Variants in TBC1D22A observed in about 807,000 individuals in gnomAD.
TBC1D22A encodes the protein TBC1 domain family member 22A.
A neutral mutation model predicts 60.2 loss-of-function variants in TBC1D22A; 38 were observed. The observed-to-expected ratio is 0.63, with a 90% confidence interval of 0.49 to 0.83. TBC1D22A has a LOEUF of 0.83. Among genes scored for constraint, TBC1D22A ranks in the 40% least tolerant of loss-of-function variants. TBC1D22A has a pLI of 0.00. For missense variants in TBC1D22A, 628 were observed against 701.0 expected, an observed-to-expected ratio of 0.90 and a Z score of 1.18; for synonymous variants, 302 against 281.7, an observed-to-expected ratio of 1.07 and a Z score of -0.72.
At chr22:47,043,910 C>A (rs1228232888) in intron 11 of TBC1D22A, among the ~76,000 whole-genome samples, 2 of 36,158 alleles carry the variant, frequency 5.5e-5, no homozygotes, top group African/African-American at 3.5e-4. Context: ...GCTCTGTGTG[C>A]CTTGCTCAGA....
intron 10 of TBC1D22A, among the ~76,000 whole-genome samples, chr22:47,005,424 C>T (rs2061554488): frequency 6.6e-6 from 1 of 151,556 alleles, no homozygotes; most frequent in African/African-American, 2.4e-5. Flanking sequence ...ACACATACCC[C>T]TATAACACAC....
intron 12 of TBC1D22A, among the ~76,000 whole-genome samples, chr22:47,153,513 G>C (rs1456284758): frequency 6.6e-6 from 1 of 151,998 alleles, no homozygotes; most frequent in Non-Finnish European, 1.5e-5. Flanking sequence ...AAGGGGGCCC[G>C]GTCTGCCTGG....
chr22:46,898,181 G>C (rs996937619), intron 7 of TBC1D22A, among the ~76,000 whole-genome samples: 1 of 152,108 alleles, frequency 6.6e-6, no homozygotes, highest in African/African-American at 2.4e-5. Flanking sequence ...TTGTACAGCT[G>C]ACCTCTCAGG....
intron 8 of TBC1D22A, among the ~76,000 whole-genome samples, chr22:46,923,346 C>G (rs2147853255): frequency 6.6e-6 from 1 of 152,362 alleles, no homozygotes; most frequent in African/African-American, 2.4e-5. Context: ...CAGTGGCTAT[C>G]TGCATGGGGA....
At chr22:47,157,465 G>A (rs2067769893) in intron 12 of TBC1D22A, among the ~76,000 whole-genome samples, 1 of 152,228 alleles carries the variant, frequency 6.6e-6, no homozygotes, top group African/African-American at 2.4e-5. Flanking sequence ...CTGAAGCTGT[G>A]GCTGGGGTCT....
intron 8 of TBC1D22A, among the ~76,000 whole-genome samples, chr22:46,920,006 T>C (rs970303263): frequency 1.3e-5 from 2 of 152,174 alleles, no homozygotes; most frequent in Non-Finnish European, 2.9e-5. Flanking sequence ...ATGCACATGC[T>C]GATGTTTTCT....
chr22:47,020,364 G>A lies in TBC1D22A; in HGVS notation c.1202-16707G>A, dbSNP rs149521650. ...GCGTCGGGAGAGAGGGACTCTATCCGGGGAAGCTCTGCGTCTTCAACCTCG... is the reference window on the plus strand; with the variant it reads ...GCGTCGGGAGAGAGGGACTCTATCCAGGGAAGCTCTGCGTCTTCAACCTCG... On this transcript the variant is annotated intron_variant, in intron 10 of 12. Coordinates refer to ENST00000337137, the MANE Select transcript of TBC1D22A (RefSeq NM_014346.5). 7.9e-5 allele frequency among the ~76,000 whole-genome samples: 12 copies of A among 152,256 alleles called. No individual in the cohort carries two copies. In the East Asian group the frequency reaches 9.6e-4, roughly 12 times the overall value.
At chr22:47,075,833 T>G (rs2064183341) in intron 11 of TBC1D22A, among the ~76,000 whole-genome samples, 1 of 152,036 alleles carries the variant, frequency 6.6e-6, no homozygotes, top group Non-Finnish European at 1.5e-5. Context: ...CACAGAAAGT[T>G]TTGAATTTTA....
At chr22:47,164,525 T>G (rs952642893) in intron 12 of TBC1D22A, among the ~76,000 whole-genome samples, 5 of 152,236 alleles carry the variant, frequency 3.3e-5, no homozygotes, top group African/African-American at 1.2e-4. Flanking sequence ...TGTCGAGTGC[T>G]GGGTCTCCCC....
chr22:46,809,659 C>T (rs900565371), intron 4 of TBC1D22A, among the ~76,000 whole-genome samples: 7 of 151,998 alleles, frequency 4.6e-5, no homozygotes, highest in Admixed American at 2.0e-4. Context: ...GTCCGGGCTT[C>T]GACATTTACT....
At chr22:46,940,122 T>A (rs2071897153) in intron 8 of TBC1D22A, among the ~76,000 whole-genome samples, 1 of 152,194 alleles carries the variant, frequency 6.6e-6, no homozygotes, top group Non-Finnish European at 1.5e-5. Flanking sequence ...CTATTAAGTG[T>A]GCAATATATG....
At chr22:46,982,372 C>T (rs573481988) in intron 9 of TBC1D22A, among the ~76,000 whole-genome samples, 4 of 152,140 alleles carry the variant, frequency 2.6e-5, no homozygotes, top group East Asian at 1.9e-4. Flanking sequence ...TACAGGCACC[C>T]GCCTCCACGC....
chr22:46,890,194 C>T (rs1196601637), intron 5 of TBC1D22A, among the ~76,000 whole-genome samples: 1 of 151,838 alleles, frequency 6.6e-6, no homozygotes, highest in East Asian at 1.9e-4. Flanking sequence ...CAAAATTTAG[C>T]TGGGCGTGGT....
At chr22:46,915,879 C>T (rs990594426) in intron 8 of TBC1D22A, 9 of 451,220 alleles carry the variant, frequency 2.0e-5, no homozygotes, top group African/African-American at 1.2e-4. Flanking sequence ...AGTGGCTCAT[C>T]GTTCTGGCTG....
intron 4 of TBC1D22A, among the ~76,000 whole-genome samples, chr22:46,864,771 G>A (rs1602217509): frequency 6.6e-6 from 1 of 152,134 alleles, no homozygotes. Flanking sequence ...TGGTGTTCCC[G>A]AGGGAGTACC....
At chr22:46,902,860 G>A (rs2069102625) in intron 7 of TBC1D22A, among the ~76,000 whole-genome samples, 2 of 152,244 alleles carry the variant, frequency 1.3e-5, no homozygotes, top group Non-Finnish European at 2.9e-5. Context: ...TTGAAGTGAG[G>A]GATGAAGACA....
At chr22:46,782,763 A>G (rs1301365319) in intron 1 of TBC1D22A, among the ~76,000 whole-genome samples, 1 of 152,026 alleles carries the variant, frequency 6.6e-6, no homozygotes, top group Non-Finnish European at 1.5e-5. Flanking sequence ...TCTCAGCTTC[A>G]TGTTGTCAGG....
At chr22:47,046,026 C>T (rs945363025) in intron 11 of TBC1D22A, among the ~76,000 whole-genome samples, 1 of 152,170 alleles carries the variant, frequency 6.6e-6, no homozygotes, top group Non-Finnish European at 1.5e-5. Flanking sequence ...AGGAGGTTCC[C>T]GGCTGTGGGC....
intron 4 of TBC1D22A, among the ~76,000 whole-genome samples, chr22:46,800,746 T>TA (rs1402200041): frequency 2.0e-5 from 3 of 152,252 alleles, no homozygotes; most frequent in African/African-American, 2.4e-5. Flanking sequence ...TGGTTGTTGT[T>TA]ACGTTCATTT....
Sources: gnomAD v4.1 joint callset for allele counts (sites outside exome capture counted in the v4.1 genomes callset) on GRCh38, gnomAD v4.1.1 for gene constraint, MANE v1.5 for transcripts, NCBI Gene and HGNC (gene_info 2026-07-23, HGNC 2026-07-21) for gene names.